CUX1: variants seen among roughly 807,000 people sequenced by gnomAD.
CUX1 encodes cut like homeobox 1, also known as protein CASP.
In CUX1, 31 loss-of-function variants were observed where a neutral mutation model predicts 158.8. The observed-to-expected ratio is 0.20, with a 90% CI of 0.15 to 0.26. CUX1 has a LOEUF of 0.26. CUX1 is among the 10% of genes least tolerant of loss of function. The pLI, the probability that CUX1 is intolerant of heterozygous loss-of-function variation, is 1.00. For missense variants in CUX1, 1,589 were observed against 2,014.6 expected, an observed-to-expected ratio of 0.79 and a Z score of 4.04; for synonymous variants, 879 against 862.1, an observed-to-expected ratio of 1.02 and a Z score of -0.34.
rs373622904 is a variant in CUX1, at chr7:101,843,056, C to T, written c.30+25387C>T. 6.4e-4 allele frequency among the ~76,000 whole-genome samples: 97 copies of T among 151,638 alleles called. 3 individuals are homozygous for T. The highest frequency in any genetic ancestry group is 3.5e-3 in the East Asian group (18 of 5,122). ...AATTTTTTGTATTTTTTAGTACAGA[C>T]GGAGTTTCACCGTGTTAGCCAGGAT... On this transcript the variant is annotated intron_variant, in intron 1 of 23. Coordinates refer to ENST00000292535, the MANE Select transcript of CUX1 (RefSeq NM_181552.4).
intron 4 of CUX1, among the ~76,000 whole-genome samples, chr7:102,072,597 G>C (rs984583110): frequency 6.6e-6 from 1 of 152,224 alleles, no homozygotes; most frequent in African/African-American, 2.4e-5. Context: ...CTGCAGGGCA[G>C]AAAAGGTGGA....
At chr7:102,079,695 C>G (rs1827150416) in intron 4 of CUX1, among the ~76,000 whole-genome samples, 1 of 152,130 alleles carries the variant, frequency 6.6e-6, no homozygotes, top group African/African-American at 2.4e-5. Context: ...GATCCCTTTA[C>G]AAATCCTCAG....
chr7:102,008,574 C>G (rs904263342), intron 2 of CUX1, among the ~76,000 whole-genome samples: 1 of 152,072 alleles, frequency 6.6e-6, no homozygotes, highest in African/African-American at 2.4e-5. Context: ...CCTCCTCTGC[C>G]CTCTCTAGAG....
At chr7:102,155,316 G>T (rs1789620599) in intron 8 of CUX1, among the ~76,000 whole-genome samples, 2 of 151,892 alleles carry the variant, frequency 1.3e-5, no homozygotes, top group African/African-American at 4.8e-5. Context: ...GGCCAAAGCG[G>T]GTGGATGGCT....
intron 2 of CUX1, among the ~76,000 whole-genome samples, chr7:101,990,198 GAA>G (rs150473645): frequency 6.8e-6 from 1 of 147,602 alleles, no homozygotes; most frequent in Non-Finnish European, 1.5e-5. Context: ...ATCTCTTAAG[GAA>G]AAAAAAAAGG....
In CUX1 at chr7:102,129,454, T is replaced by C. The variant is rs1240304669; in HGVS notation, c.674+14181T>C. 5.3e-5 allele frequency among the ~76,000 whole-genome samples: 8 copies of C among 152,184 alleles called. No homozygotes were observed. The East Asian group carries it at 1.4e-3, about 26-fold the overall frequency. Reference sequence around the variant, plus strand: ...ATCCCAGCACTTTGGGAGGCCAAGATGGGCAGATCACTTGAGGTCAGGAGT... The same window carrying C: ...ATCCCAGCACTTTGGGAGGCCAAGACGGGCAGATCACTTGAGGTCAGGAGT... On this transcript the variant is annotated intron_variant, in intron 8 of 23. Coordinates refer to ENST00000292535, the MANE Select transcript of CUX1 (RefSeq NM_181552.4).
intron 1 of CUX1, among the ~76,000 whole-genome samples, chr7:101,876,692 T>TAAA (rs879720033): frequency 7.1e-6 from 1 of 141,632 alleles, no homozygotes; most frequent in South Asian, 2.2e-4. Context: ...AAACTCCGTC[T>TAAA]AAAAAAAAAA....
intron 20 of CUX1, among the ~76,000 whole-genome samples, chr7:102,209,675 A>C (rs1341707885): frequency 6.6e-6 from 1 of 152,138 alleles, no homozygotes; most frequent in Non-Finnish European, 1.5e-5. Context: ...ACTTCATTTC[A>C]AGATGGAGTT....
chr7:102,126,975 C>T (rs1832708705), intron 8 of CUX1, among the ~76,000 whole-genome samples: 1 of 152,156 alleles, frequency 6.6e-6, no homozygotes, highest in South Asian at 2.1e-4. Flanking sequence ...CAGCCTAGAT[C>T]CCTCGCATGC....
intron 14 of CUX1, among the ~76,000 whole-genome samples, chr7:102,267,243 AGACAGGG>A (rs66534136): frequency 0.1 from 15,659 of 152,126 alleles, 1,018 homozygotes; most frequent in Middle Eastern, 0.16. Flanking sequence ...TGATTTAATA[AGACAGGG>A]GCAGCCGGGC....
At chr7:102,148,649 T>C (rs1835267230) in intron 8 of CUX1, among the ~76,000 whole-genome samples, 1 of 149,018 alleles carries the variant, frequency 6.7e-6, no homozygotes, top group Non-Finnish European at 1.5e-5. Flanking sequence ...TAAATGTATA[T>C]ATATAATGTA....
In CUX1 at chr7:102,172,436, G is replaced by C. The variant is rs186528055; in HGVS notation, c.828+1886G>C. ...AGTGATCATGGCTCGCTGTAGCCTT[G>C]ACCTGGGCTCAAGCGATCCTCCTGC... On this transcript the variant is annotated intron_variant, in intron 10 of 23. Transcript: ENST00000292535. Among the ~76,000 whole-genome samples, 1,104 of 150,954 alleles carry C rather than the reference G, an allele frequency of 7.3e-3. 11 individuals are homozygous for C. Among genetic ancestry groups the C allele is most frequent in the Non-Finnish European group, 0.011 (735 of 67,756 alleles).
intron 1 of CUX1, among the ~76,000 whole-genome samples, chr7:101,878,230 T>G (rs955767044): frequency 6.6e-6 from 1 of 152,230 alleles, no homozygotes; most frequent in Non-Finnish European, 1.5e-5. Flanking sequence ...AATCGGTTAC[T>G]GTGGGACAGG....
intron 1 of CUX1, among the ~76,000 whole-genome samples, chr7:101,835,331 A>T (rs1794510144): frequency 6.6e-6 from 1 of 152,114 alleles, no homozygotes; most frequent in African/African-American, 2.4e-5. Context: ...TCTGGGCCGC[A>T]TTCTTTTTTA....
chr7:101,816,035 C>T, upstream of CUX1: 2 of 1,429,824 alleles, frequency 1.4e-6, no homozygotes, highest in Non-Finnish European at 1.9e-6. Flanking sequence ...CTCAAGATGG[C>T]GGCCAATGTG....
chr7:102,200,310 G>C (rs112451794), intron 17 of CUX1, 138 bp downstream of exon 17: 8 of 648,224 alleles, frequency 1.2e-5, no homozygotes, highest in African/African-American at 5.6e-5. Flanking sequence ...GGCACGTAGA[G>C]AGAAGCAGGT....
At chr7:102,003,860 G>A (rs1336519716) in intron 2 of CUX1, among the ~76,000 whole-genome samples, 1 of 152,082 alleles carries the variant, frequency 6.6e-6, no homozygotes, top group Non-Finnish European at 1.5e-5. Flanking sequence ...ATGTTATAAG[G>A]TGTTTAGTTC....
chr7:101,995,210 C>T (rs1026956990), intron 2 of CUX1, among the ~76,000 whole-genome samples: 2 of 152,294 alleles, frequency 1.3e-5, no homozygotes, highest in African/African-American at 2.4e-5. Context: ...GCCATTCTGC[C>T]TGGATGCCTT....
At chr7:101,875,791 T>C (rs929340654) in intron 1 of CUX1, among the ~76,000 whole-genome samples, 1 of 152,198 alleles carries the variant, frequency 6.6e-6, no homozygotes, top group Non-Finnish European at 1.5e-5. Context: ...GCCTGACTTT[T>C]TGCCTAATAA....
Sources: gnomAD v4.1 joint callset for allele counts (sites outside exome capture counted in the v4.1 genomes callset) on GRCh38, gnomAD v4.1.1 for gene constraint, MANE v1.5 for transcripts, NCBI Gene and HGNC (gene_info 2026-07-23, HGNC 2026-07-21) for gene names.